Variants in EXD1 observed in about 807,000 individuals in gnomAD.
The protein encoded by EXD1 is exonuclease 3'-5' domain containing 1.
A neutral mutation model predicts 49.1 loss-of-function variants in EXD1; 63 were observed. The observed-to-expected ratio is 1.28, with a 90% CI of 1.05 to 1.58. EXD1 has a LOEUF of 1.58. EXD1 is among the 40% of genes most tolerant of loss of function. The probability of loss-of-function intolerance (pLI) is 0.00; values close to 1 mark genes in which losing one functional copy is unlikely to be tolerated. For missense variants in EXD1, 748 were observed against 666.0 expected, an observed-to-expected ratio of 1.12 and a Z score of -1.36; for synonymous variants, 234 against 239.2, an observed-to-expected ratio of 0.98 and a Z score of 0.20.
chr15:41,229,788 A>AAC (rs1275892027), intron 1 of EXD1, among the ~76,000 whole-genome samples: 1 of 143,666 alleles, frequency 7.0e-6, no homozygotes, highest in African/African-American at 2.8e-5. Context: ...CAACAACAAC[A>AAC]AACAAACAAA....
intron 4 of EXD1, 26 bp downstream of exon 4, chr15:41,217,071 T>A: frequency 1.2e-6 from 2 of 1,600,980 alleles, no homozygotes; most frequent in South Asian, 2.2e-5. Context: ...GAAAATATCA[T>A]AATTAAGAAA....
chr15:41,185,982 C>T (rs1305715225), intron 11 of EXD1, among the ~76,000 whole-genome samples: 1 of 152,130 alleles, frequency 6.6e-6, no homozygotes, highest in Non-Finnish European at 1.5e-5. Context: ...AATTCTGATT[C>T]CTTTTTTCAA....
intron 9 of EXD1, among the ~76,000 whole-genome samples, chr15:41,195,383 A>T (rs990865761): frequency 6.6e-6 from 1 of 152,300 alleles, no homozygotes; most frequent in East Asian, 1.9e-4. Flanking sequence ...ACTAGATGTC[A>T]GCTTGCCTTA....
intron 11 of EXD1, among the ~76,000 whole-genome samples, chr15:41,188,713 G>A (rs2046455274): frequency 6.6e-6 from 1 of 151,472 alleles, no homozygotes; most frequent in Non-Finnish European, 1.5e-5. Context: ...TTTTGAGACA[G>A]TCATTGTTAA....
intron 7 of EXD1, among the ~76,000 whole-genome samples, chr15:41,201,067 T>C (rs1046399050): frequency 2.2e-4 from 33 of 152,036 alleles, no homozygotes; most frequent in African/African-American, 7.7e-4. Flanking sequence ...AGAGACAGGG[T>C]TTCACCATGT....
rs75541359 is a variant in EXD1 at position 41,217,057 on chromosome 15, T to C, written c.260+40A>G. The C allele has an allele frequency of 2.0e-5, 31 of 1,574,544 alleles. No individual in the cohort carries two copies. The East Asian group carries it at 6.3e-4, about 32-fold the overall frequency. On this transcript the variant is annotated intron_variant, in intron 4 of 11. Transcript: ENST00000458580. ...AAGGCTTTCTACCCTAATGTGCACA[T>C]TTGGAAAATATCATAATTAAGAAAA... is the stretch of plus-strand genomic sequence containing the variant.
chr15:41,186,470 C>CAAAAAAAAAAAAAAAAAAAAAAAAA (rs58793050), intron 11 of EXD1, among the ~76,000 whole-genome samples: 2 of 68,278 alleles, frequency 2.9e-5, no homozygotes, highest in Non-Finnish European at 2.7e-5. Context: ...GACTCTGTCT[C>CAAAAAAAAAAAAAAAAAAAAAAAAA]AAAAAAAAAA....
chr15:41,205,629 G>A (rs1188062337), intron 7 of EXD1, among the ~76,000 whole-genome samples: 3 of 151,038 alleles, frequency 2.0e-5, no homozygotes, highest in Non-Finnish European at 4.4e-5. Flanking sequence ...AATACAAAAA[G>A]TTAGCTATCA....
chr15:41,218,755 G>T (rs556892015), intron 3 of EXD1, among the ~76,000 whole-genome samples: 3 of 152,244 alleles, frequency 2.0e-5, no homozygotes, highest in South Asian at 2.1e-4. Context: ...CATTATAAAA[G>T]AATATTCAAG....
Position 41,196,033 on chromosome 15 carries a change from GC to G in EXD1, c.538del (p.Ala180ProfsTer25), listed in dbSNP as rs931525459. The G allele has an allele frequency of 6.2e-7, 1 of 1,611,722 alleles. No homozygotes were observed. The highest frequency in any genetic ancestry group is 1.7e-5 in the Admixed American group (1 of 59,728). On this transcript the variant is annotated frameshift_variant, in exon 8 of 12. Transcript: ENST00000458580. LOFTEE classifies it high-confidence loss of function. ...RHGKLCWLQV[A>X]TNCRVYLFDI... ...AAATAAGTAAACTCGGCAATTTGTGGCCACCTACAATAGACCATCCAGACAC... is the reference window on the plus strand; with the variant it reads ...AAATAAGTAAACTCGGCAATTTGTGGCACCTACAATAGACCATCCAGACAC...
At position 41,214,148 on chromosome 15, in the gene EXD1, A is replaced by C. The variant is rs556035458; in HGVS notation, c.447+1627T>G. ...TGCCACTGCACTCCAGCCTGGGCGA[A>C]AGAGACTCCATCTCAAAAACAAAAC... is the stretch of plus-strand genomic sequence containing the variant. On this transcript the variant is annotated intron_variant, in intron 6 of 11. Transcript: ENST00000458580. Among the ~76,000 whole-genome samples the C allele has an allele frequency of 9.2e-5, 14 of 151,426 alleles. No individual in the cohort carries two copies. In the South Asian group the frequency reaches 2.5e-3, roughly 27 times the overall value.
intron 7 of EXD1, among the ~76,000 whole-genome samples, chr15:41,204,554 A>C (rs1211463846): frequency 6.6e-6 from 1 of 151,928 alleles, no homozygotes; most frequent in African/African-American, 2.4e-5. Context: ...CCATCTCAAA[A>C]ACAAAAAACA....
intron 7 of EXD1, among the ~76,000 whole-genome samples, chr15:41,199,710 A>G (rs1384568703): frequency 3.2e-5 from 3 of 94,780 alleles, no homozygotes; most frequent in African/African-American, 1.2e-4. Context: ...CATATATCAT[A>G]TATATGATAT....
intron 7 of EXD1, among the ~76,000 whole-genome samples, chr15:41,208,432 C>T (rs1021276558): frequency 1.3e-5 from 2 of 148,942 alleles, no homozygotes; most frequent in African/African-American, 2.5e-5. Context: ...CATCCTCTAG[C>T]TATTCTTCAA....
chr15:41,208,755 A>C (rs567233067), intron 7 of EXD1, among the ~76,000 whole-genome samples: 1 of 151,926 alleles, frequency 6.6e-6, no homozygotes, highest in South Asian at 2.1e-4. Context: ...GTCTCAAAAT[A>C]ATAATAATAA....
chr15:41,225,178 CTCTT>C (rs1484028390), intron 2 of EXD1, among the ~76,000 whole-genome samples: 1 of 152,184 alleles, frequency 6.6e-6, no homozygotes, highest in Non-Finnish European at 1.5e-5. Context: ...AGCTGCCTAC[CTCTT>C]TACTTTTTGT....
At chr15:41,187,811 T>C (rs1595420766) in intron 11 of EXD1, among the ~76,000 whole-genome samples, 1 of 151,280 alleles carries the variant, frequency 6.6e-6, no homozygotes, top group Non-Finnish European at 1.5e-5. Flanking sequence ...AGGTCAGGAG[T>C]TCGAGACCAG....
At chr15:41,191,666 T>C in intron 9 of EXD1, 81 bp from the exon 10 acceptor site, 1 of 1,369,296 alleles carries the variant, frequency 7.3e-7, no homozygotes, top group East Asian at 2.4e-5. Flanking sequence ...TTTAGAGAAA[T>C]GTCTAAATAA....
chr15:41,210,539 T>C (rs1555416206), intron 6 of EXD1, among the ~76,000 whole-genome samples: 1 of 151,980 alleles, frequency 6.6e-6, no homozygotes, highest in Non-Finnish European at 1.5e-5. Flanking sequence ...CAAAAAATTA[T>C]CCAGGCATGG....
Sources: gnomAD v4.1 joint callset for allele counts (sites outside exome capture counted in the v4.1 genomes callset) on GRCh38, gnomAD v4.1.1 for gene constraint, MANE v1.5 for transcripts, NCBI Gene and HGNC (gene_info 2026-07-23, HGNC 2026-07-21) for gene names.